The following LMBRD1 variants were observed in gnomAD, a reference collection of about 807,000 sequenced individuals.
LMBRD1 encodes LMBR1 domain containing 1.
In LMBRD1, 64 loss-of-function variants were observed where a neutral mutation model predicts 74.8. That is an observed-to-expected ratio of 0.86 (90% CI 0.70 to 1.05). The LOEUF (loss-of-function observed/expected upper bound fraction) is 1.05, where lower values mean the gene tolerates loss of function less well. LMBRD1 is among the 50% of genes least tolerant of loss of function. The pLI is 0.00. For synonymous variants in LMBRD1, 204 were observed against 216.3 expected, an observed-to-expected ratio of 0.94 and a Z score of 0.50; for missense variants, 652 against 645.9, an observed-to-expected ratio of 1.01 and a Z score of -0.10.
chr6:69,694,853 T>C (rs963331915), intron 14 of LMBRD1, among the ~76,000 whole-genome samples: 5 of 152,188 alleles, frequency 3.3e-5, no homozygotes, highest in African/African-American at 9.6e-5. Context: ...TATCATTAAC[T>C]TACCTTCAGT....
At chr6:69,770,838 C>T (rs1200623561) in intron 3 of LMBRD1, among the ~76,000 whole-genome samples, 1 of 151,992 alleles carries the variant, frequency 6.6e-6, no homozygotes, top group Non-Finnish European at 1.5e-5. Context: ...AAAAAATAGA[C>T]TAGGATAAAA....
chr6:69,712,435 C>A (rs948891337), intron 9 of LMBRD1, among the ~76,000 whole-genome samples: 4 of 103,970 alleles, frequency 3.8e-5, no homozygotes, highest in African/African-American at 1.7e-4. Flanking sequence ...TGTCAGAGTT[C>A]CTATGTTTTT....
intron 3 of LMBRD1, among the ~76,000 whole-genome samples, chr6:69,765,329 G>A (rs1004269786): frequency 4.6e-5 from 7 of 152,102 alleles, no homozygotes; most frequent in African/African-American, 1.7e-4. Context: ...ATCATTTTTT[G>A]CATATAATAG....
chr6:69,774,995 G>A (rs145542425), intron 3 of LMBRD1, among the ~76,000 whole-genome samples: 23,951 of 50,694 alleles, frequency 0.47, 5,993 homozygotes, highest in East Asian at 0.72. Flanking sequence ...GGAAGGGAGG[G>A]AGGGAGGGAG....
At chr6:69,766,206 A>AGCACAC (rs1418374034) in intron 3 of LMBRD1, among the ~76,000 whole-genome samples, 1 of 151,966 alleles carries the variant, frequency 6.6e-6, no homozygotes, top group Non-Finnish European at 1.5e-5. Context: ...ACAATGTTAA[A>AGCACAC]TAGCAGTGTT....
rs1342353061 is a variant in LMBRD1, at chr6:69,728,679, T to A, written c.636+9263A>T. On this transcript the variant is annotated intron_variant, in intron 7 of 15. Coordinates refer to ENST00000649934, the MANE Select transcript of LMBRD1 (RefSeq NM_018368.4). ...GGCCTTCTGAATTATCCTAAACTGG[T>A]CTGCTGGTCTCAATTTCTACAAATC... Among the ~76,000 whole-genome samples the A allele has an allele frequency of 2.0e-5, 3 of 152,218 alleles. No individual in the cohort carries two copies. The South Asian group carries it at 6.2e-4, about 32-fold the overall frequency.
intron 3 of LMBRD1, among the ~76,000 whole-genome samples, chr6:69,779,877 G>A (rs1468062413): frequency 1.3e-5 from 2 of 152,140 alleles, no homozygotes; most frequent in Non-Finnish European, 2.9e-5. Context: ...AGATAGAGAG[G>A]AAAACGGTCC....
At chr6:69,761,172 T>C (rs1562116450) in intron 3 of LMBRD1, among the ~76,000 whole-genome samples, 1 of 152,206 alleles carries the variant, frequency 6.6e-6, no homozygotes, top group Admixed American at 6.5e-5. Flanking sequence ...GTTCTAAGAA[T>C]ATACAACTTG....
chr6:69,691,901 G>C (rs1037491776), intron 14 of LMBRD1, among the ~76,000 whole-genome samples: 1 of 140,664 alleles, frequency 7.1e-6, no homozygotes, highest in East Asian at 2.1e-4. Context: ...AAAAAAGAAA[G>C]AAAGCTTGGT....
intron 3 of LMBRD1, among the ~76,000 whole-genome samples, chr6:69,772,293 C>T (rs887104983): frequency 6.6e-6 from 1 of 151,972 alleles, no homozygotes; most frequent in Non-Finnish European, 1.5e-5. Flanking sequence ...GTGGGACATA[C>T]AAATATTTTA....
At chr6:69,759,418 T>C (rs968393355) in intron 3 of LMBRD1, among the ~76,000 whole-genome samples, 1 of 151,622 alleles carries the variant, frequency 6.6e-6, no homozygotes, top group Non-Finnish European at 1.5e-5. Context: ...TTTAAAAGAA[T>C]CCCAATTAAG....
At chr6:69,730,234 G>C (rs1340567718) in intron 7 of LMBRD1, among the ~76,000 whole-genome samples, 2 of 151,974 alleles carry the variant, frequency 1.3e-5, no homozygotes, top group East Asian at 3.9e-4. Flanking sequence ...CAGTTTAGAA[G>C]GGCACGTTTT....
chr6:69,796,897 A>G lies in LMBRD1; in HGVS notation c.-16T>C, dbSNP rs1354070929. On this transcript the variant is annotated 5_prime_UTR_variant, in exon 1 of 16. Coordinates refer to ENST00000649934, the MANE Select transcript of LMBRD1 (RefSeq NM_018368.4). ...AAGTCGCCATCTTCGCTTCCGGTCC[A>G]GACCAACCTGAGCGCCCGGGGTGGG... is the stretch of plus-strand genomic sequence containing the variant. 3.1e-6 allele frequency: 5 copies of G among 1,612,890 alleles called. No homozygotes were observed. Among genetic ancestry groups the G allele is most frequent in the Non-Finnish European group, 4.2e-6 (5 of 1,179,274 alleles).
At position 69,676,019 on chromosome 6, in the gene LMBRD1, T is replaced by C. The variant is rs555181367; in HGVS notation, c.*139A>G. 3 of 679,970 alleles carry C rather than the reference T, an allele frequency of 4.4e-6. No homozygotes were observed. In the South Asian group the frequency reaches 4.9e-5, roughly 11 times the overall value. 42.1% of individuals were successfully genotyped at this position (679,970 alleles called of 1,614,324 possible). A position where few individuals can be genotyped will look rare whatever the true frequency, so the allele number is the denominator to read the frequency against. On this transcript the variant is annotated 3_prime_UTR_variant, in exon 16 of 16. Transcript: ENST00000649934. Reference sequence around the variant, plus strand: ...ATACAATGTTACTTCAGAAAACATATAATAAAATATAGTTGTCTTATAGCC... The same window carrying C: ...ATACAATGTTACTTCAGAAAACATACAATAAAATATAGTTGTCTTATAGCC...
chr6:69,795,822 A>G (rs1467264609), intron 1 of LMBRD1, among the ~76,000 whole-genome samples: 1 of 152,216 alleles, frequency 6.6e-6, no homozygotes, highest in South Asian at 2.1e-4. Flanking sequence ...GCAAAAATCT[A>G]CTAGAACATA....
intron 14 of LMBRD1, among the ~76,000 whole-genome samples, chr6:69,685,495 A>G (rs184286730): frequency 6.6e-6 from 1 of 152,276 alleles, no homozygotes. Flanking sequence ...GTCCCACCTC[A>G]GATCCACTAA....
intron 4 of LMBRD1, among the ~76,000 whole-genome samples, chr6:69,750,582 CTTAT>C (rs1338151178): frequency 3.9e-5 from 6 of 151,974 alleles, no homozygotes; most frequent in Non-Finnish European, 2.9e-5. Flanking sequence ...TCACATAGTT[CTTAT>C]TCACAAAGGG....
intron 3 of LMBRD1, among the ~76,000 whole-genome samples, chr6:69,774,608 A>T (rs1765648582): frequency 6.6e-6 from 1 of 152,194 alleles, no homozygotes; most frequent in African/African-American, 2.4e-5. Context: ...AGATAAAAAT[A>T]AATTTGAAAT....
At chr6:69,725,207 G>A (rs914587728) in intron 7 of LMBRD1, among the ~76,000 whole-genome samples, 2 of 151,734 alleles carry the variant, frequency 1.3e-5, no homozygotes, top group African/African-American at 4.8e-5. Context: ...TGATGAATGA[G>A]GAAGACACCA....
Sources: gnomAD v4.1 joint callset for allele counts (sites outside exome capture counted in the v4.1 genomes callset) on GRCh38, gnomAD v4.1.1 for gene constraint, MANE v1.5 for transcripts, NCBI Gene and HGNC (gene_info 2026-07-23, HGNC 2026-07-21) for gene names.